The following TDP1 variants were observed in gnomAD, a reference collection of about 807,000 sequenced individuals.
TDP1 encodes tyrosyl-DNA phosphodiesterase 1.
TDP1 carries 64 observed loss-of-function variants against 81.5 expected under a neutral mutation model. The observed-to-expected ratio is 0.79, with a 90% CI of 0.64 to 0.97. TDP1 has a LOEUF of 0.97. TDP1 is among the 50% of genes least tolerant of loss of function. The pLI is 0.00. For synonymous variants in TDP1, 256 were observed against 264.3 expected (o/e 0.97, Z 0.30); for missense variants, 723 against 743.8 (o/e 0.97, Z 0.33).
intron 15 of TDP1, among the ~76,000 whole-genome samples, chr14:90,029,283 C>T (rs1300092646): frequency 3.3e-5 from 5 of 151,012 alleles, no homozygotes; most frequent in Non-Finnish European, 5.9e-5. Flanking sequence ...CTGCAACCTC[C>T]GCCTTCTGGG....
Position 89,957,986 on chromosome 14 carries a change from G to A in TDP1, c.-8+1186G>A, listed in dbSNP as rs59788573. Reference sequence around the variant, plus strand: ...GCCACTATGACTGCATGCTCAGCCCGCGAGGAGTCGGTTTGTGAGTGAGTG... The same window carrying A: ...GCCACTATGACTGCATGCTCAGCCCACGAGGAGTCGGTTTGTGAGTGAGTG... On this transcript the variant is annotated intron_variant, in intron 2 of 16. Coordinates refer to ENST00000335725, the MANE Select transcript of TDP1 (RefSeq NM_018319.4). Among the ~76,000 whole-genome samples the A allele has an allele frequency of 3.8e-3, 585 of 152,292 alleles. 2 individuals are homozygous for A. The highest frequency in any genetic ancestry group is 0.014 in the African/African-American group (564 of 41,564).
At chr14:90,015,095 G>A (rs977070837) in intron 14 of TDP1, among the ~76,000 whole-genome samples, 3 of 152,178 alleles carry the variant, frequency 2.0e-5, no homozygotes, top group African/African-American at 7.2e-5. Context: ...CCTGGAAAGG[G>A]ATTTTTGGTC....
At chr14:89,956,244 T>C (rs570027662) in intron 1 of TDP1, 1 of 152,402 alleles carries the variant, frequency 6.6e-6, no homozygotes, top group South Asian at 2.1e-4. Context: ...TAGGGGCCCC[T>C]GCTCGGGTTT....
At chr14:89,970,184 C>T (rs576849901) in intron 5 of TDP1, among the ~76,000 whole-genome samples, 2 of 152,326 alleles carry the variant, frequency 1.3e-5, no homozygotes, top group South Asian at 4.1e-4. Context: ...CCGAAATATA[C>T]TTATTTCTAA....
intron 10 of TDP1, among the ~76,000 whole-genome samples, chr14:89,987,896 G>T (rs946948490): frequency 6.6e-6 from 1 of 151,972 alleles, no homozygotes; most frequent in Non-Finnish European, 1.5e-5. Context: ...AAGAAATATG[G>T]GGGTAGCCTC....
intron 5 of TDP1, among the ~76,000 whole-genome samples, chr14:89,968,338 C>T (rs938255121): frequency 6.6e-6 from 1 of 152,190 alleles, no homozygotes; most frequent in African/African-American, 2.4e-5. Flanking sequence ...TCCACCTACC[C>T]TTTCTGTTCC....
At chr14:89,993,167 G>A (rs1326315796) in intron 13 of TDP1, 9 of 983,714 alleles carry the variant, frequency 9.1e-6, no homozygotes, top group Non-Finnish European at 1.1e-5. Context: ...AAAGGTTGCA[G>A]TGCTTCTTGT....
At chr14:89,967,503 G>T in intron 5 of TDP1, 81 bp downstream of exon 5, 1 of 1,217,510 alleles carries the variant, frequency 8.2e-7, no homozygotes, top group Non-Finnish European at 1.2e-6. Context: ...TCAGGTGAAA[G>T]CCACTCATCT....
intron 11 of TDP1, 141 bp from the exon 12 acceptor site, chr14:89,989,569 TCATAAGA>T: frequency 9.1e-7 from 1 of 1,094,958 alleles, no homozygotes; most frequent in Non-Finnish European, 1.3e-6. Context: ...TTCATTTTTT[TCATAAGA>T]TGAGAACTTT....
chr14:89,996,591 A>G (rs938168838), intron 14 of TDP1, among the ~76,000 whole-genome samples: 10 of 152,216 alleles, frequency 6.6e-5, no homozygotes, highest in African/African-American at 2.4e-4. Context: ...TCTCTCAAGC[A>G]TGAGCTTTAA....
chr14:89,989,886 A>C, intron 12 of TDP1, 121 bp downstream of exon 12: 2 of 787,054 alleles, frequency 2.5e-6, no homozygotes, highest in African/African-American at 1.7e-5. Flanking sequence ...TATAAGGATC[A>C]TGAAAATAGG....
chr14:89,955,674 G>A (rs3814849), upstream of TDP1: 6 of 152,510 alleles, frequency 3.9e-5, no homozygotes, highest in East Asian at 7.7e-4. Context: ...ATCCTGTAAA[G>A]AGGGTGAGTC....
chr14:89,983,234 C>A, intron 8 of TDP1: 1 of 440,870 alleles, frequency 2.3e-6, no homozygotes. Flanking sequence ...ATTTTACACA[C>A]GGAGGCAAAG....
intron 10 of TDP1, 66 bp from the exon 11 acceptor site, chr14:89,988,839 A>G (rs1895855775): frequency 1.2e-6 from 2 of 1,605,530 alleles, no homozygotes; most frequent in Admixed American, 3.4e-5. Flanking sequence ...AACTGTTTTC[A>G]AATATTGCAG....
At chr14:89,986,736 C>T (rs574125380) in intron 10 of TDP1, among the ~76,000 whole-genome samples, 11 of 152,290 alleles carry the variant, frequency 7.2e-5, no homozygotes, top group South Asian at 4.1e-4. Flanking sequence ...TGTAAGTTGT[C>T]GGTTCAGCTC....
intron 9 of TDP1, 25 bp downstream of exon 9, chr14:89,984,708 G>T (rs758761287): frequency 6.2e-7 from 1 of 1,612,060 alleles, no homozygotes. Context: ...ATCAATTTGG[G>T]GTGCTTATGA....
At chr14:89,987,664 T>C (rs1335213945) in intron 10 of TDP1, among the ~76,000 whole-genome samples, 3 of 152,170 alleles carry the variant, frequency 2.0e-5, no homozygotes, top group African/African-American at 7.2e-5. Flanking sequence ...TTAGTGGGCA[T>C]ACTTTGGGTT....
At position 89,974,807 on chromosome 14, in the gene TDP1, C is replaced by T. The variant is rs537078759; in HGVS notation, c.757-974C>T. Among the ~76,000 whole-genome samples, 18 of 152,294 alleles carry T rather than the reference C, an allele frequency of 1.2e-4. No homozygotes were observed. In the East Asian group the frequency reaches 2.5e-3, roughly 21 times the overall value. ...AGGCAGGATTTGAGCCCATGTACTG[C>T]GTTCCTAATTGTGAAACTTTTACGG... On this transcript the variant is annotated intron_variant, in intron 6 of 16. Transcript: ENST00000335725.
chr14:90,015,433 G>A (rs530237264), intron 14 of TDP1, among the ~76,000 whole-genome samples: 30 of 152,204 alleles, frequency 2.0e-4, no homozygotes, highest in Admixed American at 1.1e-3. Context: ...CTGTGGCAGG[G>A]TATTCTGCCA....
Sources: allele counts gnomAD v4.1 joint callset (sites outside exome capture counted in the v4.1 genomes callset), GRCh38; gene constraint gnomAD v4.1.1; transcripts MANE v1.5; gene names NCBI Gene and HGNC (gene_info 2026-07-23, HGNC 2026-07-21).